ZNF366: variants seen among roughly 807,000 people sequenced by gnomAD.
ZNF366 encodes zinc finger protein 366.
In ZNF366, 20 loss-of-function variants were observed where a neutral mutation model predicts 47.2. The observed-to-expected ratio is 0.42, with a 90% CI of 0.30 to 0.62. The LOEUF (loss-of-function observed/expected upper bound fraction) is 0.62, where lower values mean the gene tolerates loss of function less well. Among genes scored for constraint, ZNF366 ranks in the 20% least tolerant of loss-of-function variants. ZNF366 has a pLI of 0.16. For missense variants in ZNF366, 987 were observed against 976.3 expected, an observed-to-expected ratio of 1.01 and a Z score of -0.15; for synonymous variants, 421 against 395.1, an observed-to-expected ratio of 1.07 and a Z score of -0.78.
intron 3 of ZNF366, among the ~76,000 whole-genome samples, chr5:72,455,462 G>C (rs1241842776): frequency 6.6e-6 from 1 of 152,206 alleles, no homozygotes; most frequent in Non-Finnish European, 1.5e-5. Context: ...AACGATATCT[G>C]AATGTGGTAA....
intron 1 of ZNF366, among the ~76,000 whole-genome samples, chr5:72,493,372 T>C (rs1744051832): frequency 6.6e-6 from 1 of 152,212 alleles, no homozygotes; most frequent in South Asian, 2.1e-4. Flanking sequence ...CACAAATAAG[T>C]TAAGCAAATT....
chr5:72,459,438 A>G (rs1743257130), intron 2 of ZNF366, among the ~76,000 whole-genome samples: 1 of 152,178 alleles, frequency 6.6e-6, no homozygotes, highest in Non-Finnish European at 1.5e-5. Flanking sequence ...TTCAGCCTGA[A>G]TGACTCCAGG....
At chr5:72,491,072 G>T (rs72761199) in intron 1 of ZNF366, among the ~76,000 whole-genome samples, 16,237 of 152,218 alleles carry the variant, frequency 0.11, 1,213 homozygotes, top group Non-Finnish European at 0.15. Context: ...GGTTTAGGGA[G>T]TGCATATAAT....
At chr5:72,473,669 T>G (rs1470214438) in intron 1 of ZNF366, among the ~76,000 whole-genome samples, 8 of 152,210 alleles carry the variant, frequency 5.3e-5, no homozygotes, top group Non-Finnish European at 1.2e-4. Context: ...CCGGAAACCT[T>G]TGCTCCCTAC....
At chr5:72,473,493 C>G (rs1268882333) in intron 1 of ZNF366, among the ~76,000 whole-genome samples, 1 of 152,250 alleles carries the variant, frequency 6.6e-6, no homozygotes, top group African/African-American at 2.4e-5. Context: ...TTCCCCTTCT[C>G]TCTAAAATCC....
chr5:72,468,963 G>A (rs1010459854), intron 1 of ZNF366, among the ~76,000 whole-genome samples: 1 of 152,144 alleles, frequency 6.6e-6, no homozygotes, highest in Non-Finnish European at 1.5e-5. Flanking sequence ...TAGAATATAT[G>A]TTGTTTGTTC....
chr5:72,501,515 G>C (rs1744209648), intron 1 of ZNF366, among the ~76,000 whole-genome samples: 1 of 152,198 alleles, frequency 6.6e-6, no homozygotes, highest in African/African-American at 2.4e-5. Context: ...ACTCGATCCA[G>C]TGGTTTTGGC....
At chr5:72,478,247 A>G (rs1561199653) in intron 1 of ZNF366, among the ~76,000 whole-genome samples, 1 of 146,242 alleles carries the variant, frequency 6.8e-6, no homozygotes, top group Non-Finnish European at 1.5e-5. Context: ...ACAGTCACCC[A>G]TTTCTTCAGT....
intron 1 of ZNF366, among the ~76,000 whole-genome samples, chr5:72,470,861 G>A (rs1743548523): frequency 6.6e-6 from 1 of 152,240 alleles, no homozygotes; most frequent in East Asian, 1.9e-4. Flanking sequence ...CAGAATGGAT[G>A]GCCCCTGCTT....
At chr5:72,456,254 T>G (rs182164732) in intron 3 of ZNF366, 150 bp downstream of exon 3, 1 of 724,606 alleles carries the variant, frequency 1.4e-6, no homozygotes, top group East Asian at 2.5e-5. Context: ...CAGAGAGGGA[T>G]AGAGTGGCAG....
chr5:72,443,855 G>A lies in ZNF366; in HGVS notation c.2136C>T (p.Pro712=), dbSNP rs1420516817. 3 of 1,614,148 alleles carry A rather than the reference G, an allele frequency of 1.9e-6. No individual in the cohort carries two copies. The highest frequency in any genetic ancestry group is 1.7e-5 in the Admixed American group (1 of 60,014). The change falls in exon 5 of 5, where the codon CCC becomes CCT. Residue 712 remains proline, a synonymous_variant. Transcript: ENST00000318442. ...TGAAGTATAAGTAATCAGAAAAAGA[G>A]GGGCCCCGCCGGGTACTCTGAAAAG... The part of the protein sequence containing the change: ...LRAFQSTRRG[P]SFSDYLYFKH...
intron 1 of ZNF366, among the ~76,000 whole-genome samples, chr5:72,475,004 G>C (rs759428781): frequency 2.0e-5 from 3 of 152,168 alleles, no homozygotes; most frequent in Non-Finnish European, 4.4e-5. Flanking sequence ...TTTCTGTCCA[G>C]GGTACAGATC....
At chr5:72,476,420 G>A (rs1040141172) in intron 1 of ZNF366, among the ~76,000 whole-genome samples, 3 of 152,098 alleles carry the variant, frequency 2.0e-5, no homozygotes, top group South Asian at 2.1e-4. Context: ...ATCTCTGTTC[G>A]ATGTAAATGG....
intron 2 of ZNF366, 56 bp from the exon 3 acceptor site, chr5:72,456,651 A>G (rs1470170469): frequency 3.4e-6 from 5 of 1,479,588 alleles, no homozygotes; most frequent in Admixed American, 1.9e-5. Flanking sequence ...TGCTTTCATC[A>G]GGATCATAGG....
intron 3 of ZNF366, among the ~76,000 whole-genome samples, chr5:72,450,697 C>T (rs1743052403): frequency 6.6e-6 from 1 of 152,196 alleles, no homozygotes; most frequent in South Asian, 2.1e-4. Context: ...AGGTACTTAG[C>T]TTCTTCCTCT....
chr5:72,445,674 A>G (rs1374979601), intron 4 of ZNF366, among the ~76,000 whole-genome samples: 1 of 152,124 alleles, frequency 6.6e-6, no homozygotes, highest in Non-Finnish European at 1.5e-5. Flanking sequence ...AATCATGGCG[A>G]CCAGGTCATG....
intron 3 of ZNF366, among the ~76,000 whole-genome samples, chr5:72,454,357 G>T (rs1022224745): frequency 3.3e-5 from 5 of 152,268 alleles, no homozygotes; most frequent in Middle Eastern, 6.8e-3. Context: ...ATACTAGAGA[G>T]AACCCTCTAG....
At chr5:72,496,935 T>A (rs1389386276) in intron 1 of ZNF366, among the ~76,000 whole-genome samples, 2 of 152,090 alleles carry the variant, frequency 1.3e-5, no homozygotes, top group East Asian at 1.9e-4. Context: ...ATATCTTTTT[T>A]AAGTATTTAT....
At chr5:72,498,968 TCTC>T (rs1374892184) in intron 1 of ZNF366, among the ~76,000 whole-genome samples, 1 of 152,332 alleles carries the variant, frequency 6.6e-6, no homozygotes, top group East Asian at 1.9e-4. Context: ...CTGAAATTTC[TCTC>T]CTAGGAGACT....
Sources: allele counts gnomAD v4.1 joint callset (sites outside exome capture counted in the v4.1 genomes callset), GRCh38; gene constraint gnomAD v4.1.1; transcripts MANE v1.5; gene names NCBI Gene and HGNC (gene_info 2026-07-23, HGNC 2026-07-21).